MAPK10: variants seen among roughly 807,000 people sequenced by gnomAD.
The protein encoded by MAPK10 is JNK3 alpha protein kinase.
A neutral mutation model predicts 59.3 loss-of-function variants in MAPK10; 25 were observed. That is an observed-to-expected ratio of 0.42 (90% CI 0.31 to 0.59). The LOEUF (loss-of-function observed/expected upper bound fraction) is 0.59, where lower values mean the gene tolerates loss of function less well. Ranked by LOEUF, MAPK10 falls within the 20% of genes least tolerant of loss-of-function variation. MAPK10 has a pLI of 0.15. For synonymous variants in MAPK10, 190 were observed against 200.5 expected, an observed-to-expected ratio of 0.95 and a Z score of 0.44; for missense variants, 351 against 568.9, an observed-to-expected ratio of 0.62 and a Z score of 3.90.
At chr4:86,243,059 A>AG (rs1298748321) in intron 2 of MAPK10, among the ~76,000 whole-genome samples, 3 of 152,146 alleles carry the variant, frequency 2.0e-5, no homozygotes, top group African/African-American at 4.8e-5. Flanking sequence ...GGCTGGCGGG[A>AG]GGGGGGTCCC....
intron 2 of MAPK10, among the ~76,000 whole-genome samples, chr4:86,241,497 C>G (rs1452284899): frequency 6.6e-6 from 1 of 152,004 alleles, no homozygotes; most frequent in African/African-American, 2.4e-5. Context: ...TTTATGAAGT[C>G]CCATATTTCT....
At chr4:86,407,007 G>A (rs959417541) in intron 1 of MAPK10, among the ~76,000 whole-genome samples, 1 of 152,150 alleles carries the variant, frequency 6.6e-6, no homozygotes, top group South Asian at 2.1e-4. Context: ...TGGGATGGGG[G>A]CTCACATGTT....
chr4:86,271,114 G>T (rs1395886716), intron 2 of MAPK10, among the ~76,000 whole-genome samples: 1 of 151,954 alleles, frequency 6.6e-6, no homozygotes, highest in Non-Finnish European at 1.5e-5. Flanking sequence ...CCAAGAGGTT[G>T]TACCATTTTA....
chr4:86,295,165 C>T (rs575093758), intron 2 of MAPK10, among the ~76,000 whole-genome samples: 35 of 152,284 alleles, frequency 2.3e-4, no homozygotes, highest in East Asian at 1.2e-3. Flanking sequence ...TCACATCCCC[C>T]GACTTTCACT....
rs199734786 is a variant in MAPK10, at chr4:86,379,924, CT to C, written c.-121-25281del. Among the ~76,000 whole-genome samples, 825 of 152,202 alleles carry C rather than the reference CT, an allele frequency of 5.4e-3. 13 individuals carry two copies. The highest frequency in any genetic ancestry group is 0.019 in the African/African-American group (773 of 41,528). On this transcript the variant is annotated intron_variant, in intron 1 of 13. Coordinates refer to the MAPK10 transcript ENST00000361569. ...TATCCCTGACCGAGCTGGTCTTGCA[CT>C]TTTCATTTCCTATTAAAACCTGGTT... is the stretch of plus-strand genomic sequence containing the variant.
At chr4:86,230,986 G>T (rs974995158) in intron 2 of MAPK10, among the ~76,000 whole-genome samples, 9 of 152,114 alleles carry the variant, frequency 5.9e-5, no homozygotes, top group African/African-American at 2.2e-4. Context: ...GATGCTGAAC[G>T]AATATCTAAT....
At chr4:86,323,393 G>A (rs531260034) in intron 2 of MAPK10, among the ~76,000 whole-genome samples, 2 of 152,160 alleles carry the variant, frequency 1.3e-5, no homozygotes, top group South Asian at 4.1e-4. Flanking sequence ...ATTAGAAGTG[G>A]TGTTTGCCAA....
intron 2 of MAPK10, among the ~76,000 whole-genome samples, chr4:86,231,003 T>A (rs1343470071): frequency 1.3e-5 from 2 of 152,192 alleles, no homozygotes; most frequent in Non-Finnish European, 2.9e-5. Context: ...TAATTTTAGG[T>A]CCATTTGAAC....
chr4:86,300,904 A>AAAC (rs1264426236), intron 2 of MAPK10: 1 of 151,638 alleles, frequency 6.6e-6, no homozygotes, highest in East Asian at 1.9e-4. Context: ...AAAAAAAAAA[A>AAAC]AAACAACAAG....
chr4:86,545,738 A>G (rs1402223956), intron 1 of MAPK10, among the ~76,000 whole-genome samples: 1 of 152,244 alleles, frequency 6.6e-6, no homozygotes, highest in Non-Finnish European at 1.5e-5. Context: ...TTAGCACTTC[A>G]AATACTGGTG....
At chr4:86,169,585 T>C (rs1196210262) in intron 3 of MAPK10, among the ~76,000 whole-genome samples, 2 of 152,088 alleles carry the variant, frequency 1.3e-5, no homozygotes, top group African/African-American at 2.4e-5. Flanking sequence ...AATCTACATC[T>C]GATTGGTGTA....
chr4:86,322,609 A>G (rs1164849926), intron 2 of MAPK10, among the ~76,000 whole-genome samples: 2 of 152,174 alleles, frequency 1.3e-5, no homozygotes, highest in Non-Finnish European at 2.9e-5. Flanking sequence ...TGTTTGTATG[A>G]CTAAGTGCCC....
intron 5 of MAPK10, among the ~76,000 whole-genome samples, chr4:86,106,561 T>A (rs1411239263): frequency 6.6e-6 from 1 of 151,552 alleles, no homozygotes; most frequent in Non-Finnish European, 1.5e-5. Flanking sequence ...ACAGAAAGAA[T>A]TCTAGAGGTC....
chr4:86,089,888 A>G (rs1456072859), intron 9 of MAPK10, among the ~76,000 whole-genome samples: 2 of 152,158 alleles, frequency 1.3e-5, no homozygotes, highest in African/African-American at 4.8e-5. Context: ...ATTCTTATAA[A>G]CACAGTTGCC....
At chr4:86,518,905 C>T (rs1756908500) in intron 1 of MAPK10, among the ~76,000 whole-genome samples, 1 of 152,062 alleles carries the variant, frequency 6.6e-6, no homozygotes, top group Non-Finnish European at 1.5e-5. Flanking sequence ...TATTTCATTT[C>T]CATGTATTTG....
chr4:86,516,385 G>A (rs1756664553), intron 1 of MAPK10, among the ~76,000 whole-genome samples: 1 of 152,092 alleles, frequency 6.6e-6, no homozygotes, highest in Non-Finnish European at 1.5e-5. Context: ...GGTTCCATAT[G>A]AATTTTAGGA....
chr4:86,514,330 C>T (rs1179546328), intron 1 of MAPK10, among the ~76,000 whole-genome samples: 1 of 152,156 alleles, frequency 6.6e-6, no homozygotes, highest in Non-Finnish European at 1.5e-5. Flanking sequence ...ATTGGCACCA[C>T]CCTTTGTATT....
chr4:86,407,981 G>A (rs1744574980), intron 1 of MAPK10, among the ~76,000 whole-genome samples: 1 of 151,956 alleles, frequency 6.6e-6, no homozygotes, highest in Admixed American at 6.6e-5. Context: ...GTATATATGT[G>A]CCATGTTGGT....
At chr4:86,376,947 T>C (rs1739911682) in intron 1 of MAPK10, among the ~76,000 whole-genome samples, 1 of 152,186 alleles carries the variant, frequency 6.6e-6, no homozygotes, top group Admixed American at 6.5e-5. Context: ...CTCCTGGCCC[T>C]TGTTGGGCAT....
Sources: gnomAD v4.1 joint callset for allele counts (sites outside exome capture counted in the v4.1 genomes callset) on GRCh38, gnomAD v4.1.1 for gene constraint, MANE v1.5 for transcripts, NCBI Gene and HGNC (gene_info 2026-07-23, HGNC 2026-07-21) for gene names.